FIRRM: variants seen among roughly 807,000 people sequenced by gnomAD.
FIRRM encodes the protein FIGNL1 interacting regulator of recombination and mitosis.
the FIRRM span, among the ~76,000 whole-genome samples, chr1:169,834,264 C>G: frequency 6.6e-6 from 1 of 152,036 alleles, no homozygotes; most frequent in Non-Finnish European, 1.5e-5. Context: ...CTTCAGTTAT[C>G]AAATGCAGAT....
the FIRRM span, chr1:169,821,545 A>G: frequency 1.9e-6 from 1 of 516,802 alleles, no homozygotes; most frequent in South Asian, 4.1e-5. Context: ...ATTTTCTCGG[A>G]AAAATTTTAT....
At chr1:169,819,749 G>A in the FIRRM span, among the ~76,000 whole-genome samples, 3 of 152,088 alleles carry the variant, frequency 2.0e-5, no homozygotes, top group Non-Finnish European at 4.4e-5. Context: ...GCTTTTGAAC[G>A]TTACCAAAGG....
chr1:169,838,120 G>A, the FIRRM span, among the ~76,000 whole-genome samples: 1 of 152,058 alleles, frequency 6.6e-6, no homozygotes, highest in South Asian at 2.1e-4. Context: ...TGTATTTTTA[G>A]TAGAGACGGA....
At chr1:169,804,808 G>A in the FIRRM span, among the ~76,000 whole-genome samples, 4 of 152,050 alleles carry the variant, frequency 2.6e-5, no homozygotes, top group African/African-American at 9.7e-5. Flanking sequence ...TCAGCCTCAT[G>A]AGTAGCTGGG....
chr1:169,811,651 T>G, the FIRRM span, among the ~76,000 whole-genome samples: 1 of 151,840 alleles, frequency 6.6e-6, no homozygotes, highest in Non-Finnish European at 1.5e-5. Context: ...TGAGAGCTTG[T>G]CTAGATAGAT....
the FIRRM span, chr1:169,852,766 A>T: frequency 6.2e-7 from 1 of 1,609,798 alleles, no homozygotes; most frequent in Non-Finnish European, 8.5e-7. Flanking sequence ...GGATATTGTG[A>T]TATTACTTAT....
At chr1:169,815,785 C>T in the FIRRM span, among the ~76,000 whole-genome samples, 3 of 152,198 alleles carry the variant, frequency 2.0e-5, no homozygotes, top group Non-Finnish European at 2.9e-5. Flanking sequence ...AGCCCCTTTT[C>T]AAGATGGAGT....
the FIRRM span, among the ~76,000 whole-genome samples, chr1:169,799,695 G>A: frequency 6.6e-6 from 1 of 152,120 alleles, no homozygotes; most frequent in Non-Finnish European, 1.5e-5. Flanking sequence ...GGGATTACAG[G>A]CATGCTTCAC....
At chr1:169,853,964 T>C in the FIRRM span, 15 of 653,542 alleles carry the variant, frequency 2.3e-5, no homozygotes, top group South Asian at 3.2e-4. Flanking sequence ...CACTGGAAAA[T>C]AGCTTTTCAA....
At chr1:169,834,936 G>C in the FIRRM span, among the ~76,000 whole-genome samples, 1 of 152,164 alleles carries the variant, frequency 6.6e-6, no homozygotes, top group Non-Finnish European at 1.5e-5. Context: ...GTTTGTAGCT[G>C]AGACAGTCAT....
chr1:169,784,554 C>T, the FIRRM span, among the ~76,000 whole-genome samples: 2 of 150,594 alleles, frequency 1.3e-5, no homozygotes, highest in African/African-American at 5.0e-5. Flanking sequence ...TGTCTGTTTG[C>T]TTGCTTGCTT....
the FIRRM span, chr1:169,852,719 ACTCCAGTC>A: frequency 6.0e-6 from 9 of 1,494,214 alleles, no homozygotes; most frequent in Non-Finnish European, 7.4e-6. Flanking sequence ...TGTAAGCTTT[ACTCCAGTC>A]CAAAAGGAAG....
the FIRRM span, among the ~76,000 whole-genome samples, chr1:169,786,751 A>G: frequency 6.6e-6 from 1 of 152,228 alleles, no homozygotes; most frequent in Admixed American, 6.5e-5. Context: ...TTGACCAGAC[A>G]TGACAGAATA....
At chr1:169,842,424 T>C in the FIRRM span, 12 of 1,613,934 alleles carry the variant, frequency 7.4e-6, no homozygotes, top group South Asian at 1.1e-5. Context: ...CAGAACACAG[T>C]ACTGTCTGCT....
chr1:169,802,713 G>C, the FIRRM span: 1 of 1,605,986 alleles, frequency 6.2e-7, no homozygotes, highest in African/African-American at 1.3e-5. Flanking sequence ...CCACTCTAAG[G>C]AATATTTTAC....
chr1:169,853,347 T>TATA, the FIRRM span: 2 of 318,306 alleles, frequency 6.3e-6, no homozygotes, highest in East Asian at 6.2e-5. Context: ...ACTCTTATGT[T>TATA]AAAGAATGGC....
chr1:169,795,914 G>T, the FIRRM span: 1 of 985,432 alleles, frequency 1.0e-6, no homozygotes, highest in Non-Finnish European at 1.2e-6. Flanking sequence ...CTTCGTCCGG[G>T]TGCAGCACAT....
At chr1:169,830,869 G>C in the FIRRM span, 1 of 908,944 alleles carries the variant, frequency 1.1e-6, no homozygotes, top group Non-Finnish European at 1.8e-6. Context: ...TGTTTTGACA[G>C]TCTTTGTCTT....
chr1:169,783,848 T>C, the FIRRM span: 1 of 152,232 alleles, frequency 6.6e-6, no homozygotes, highest in Admixed American at 6.5e-5. Context: ...TGGAGTGGCA[T>C]GACCACGGTT....
Sources: allele counts gnomAD v4.1 joint callset (sites outside exome capture counted in the v4.1 genomes callset), GRCh38; gene constraint gnomAD v4.1.1; transcripts MANE v1.5; gene names NCBI Gene and HGNC (gene_info 2026-07-23, HGNC 2026-07-21).